The following PLCL1 variants were observed in gnomAD, a reference collection of about 807,000 sequenced individuals.
The protein encoded by PLCL1 is inactive phospholipase C-like protein 1.
PLCL1 carries 41 observed loss-of-function variants against 84.4 expected under a neutral mutation model. The observed-to-expected ratio is 0.49, with a 90% confidence interval of 0.38 to 0.63. PLCL1 has a LOEUF of 0.63. Among genes scored for constraint, PLCL1 ranks in the 30% least tolerant of loss-of-function variants. The pLI is 0.00. For missense variants in PLCL1, 1,206 were observed against 1,367.8 expected, an observed-to-expected ratio of 0.88 and a Z score of 1.87; for synonymous variants, 490 against 488.3, an observed-to-expected ratio of 1.00 and a Z score of -0.05.
chr2:197,973,484 A>C (rs1379734185), intron 1 of PLCL1, among the ~76,000 whole-genome samples: 2 of 152,212 alleles, frequency 1.3e-5, no homozygotes, highest in African/African-American at 4.8e-5. Flanking sequence ...GGTGGGGAGA[A>C]GTATAAAAAT....
chr2:197,866,501 AC>A (rs1355025266), intron 1 of PLCL1, among the ~76,000 whole-genome samples: 2 of 152,032 alleles, frequency 1.3e-5, no homozygotes, highest in Admixed American at 1.3e-4. Flanking sequence ...AGGACCTTTC[AC>A]ATTTCTCTTG....
intron 1 of PLCL1, among the ~76,000 whole-genome samples, chr2:197,836,434 G>A (rs973504303): frequency 2.9e-5 from 3 of 103,456 alleles, no homozygotes; most frequent in African/African-American, 3.8e-5. Flanking sequence ...GCGACAGAGC[G>A]AGACTCCGTC....
intron 1 of PLCL1, among the ~76,000 whole-genome samples, chr2:198,028,035 C>A (rs1450297153): frequency 5.9e-5 from 9 of 151,958 alleles, no homozygotes; most frequent in Non-Finnish European, 1.3e-4. Flanking sequence ...GAGATGGGGT[C>A]TTGCCATGTT....
At chr2:197,934,550 A>G (rs1483518457) in intron 1 of PLCL1, among the ~76,000 whole-genome samples, 1 of 152,184 alleles carries the variant, frequency 6.6e-6, no homozygotes, top group Non-Finnish European at 1.5e-5. Flanking sequence ...TTTTATTTGA[A>G]TGAGGTATTT....
At chr2:198,022,762 T>C (rs912328204) in intron 1 of PLCL1, among the ~76,000 whole-genome samples, 16 of 152,048 alleles carry the variant, frequency 1.1e-4, no homozygotes, top group Admixed American at 5.2e-4. Context: ...CACAAACAAA[T>C]AGAAAAACTT....
chr2:197,900,249 C>T (rs1379478171), intron 1 of PLCL1, among the ~76,000 whole-genome samples: 5 of 152,188 alleles, frequency 3.3e-5, no homozygotes, highest in Non-Finnish European at 7.4e-5. Context: ...TGAATAAATA[C>T]ATGCAAGACA....
chr2:197,939,060 T>C (rs556090225), intron 1 of PLCL1, among the ~76,000 whole-genome samples: 4 of 152,138 alleles, frequency 2.6e-5, no homozygotes, highest in Admixed American at 6.6e-5. Flanking sequence ...GGGGTGGTGG[T>C]GAGAAGGAGG....
chr2:198,114,667 C>T (rs1371661), intron 5 of PLCL1, among the ~76,000 whole-genome samples: 132,738 of 151,764 alleles, frequency 0.87, 58,164 homozygotes, highest in East Asian at 1. Context: ...TCCTTACAGC[C>T]CTTGTAGGTT....
At chr2:198,120,522 G>A (rs1179374935) in intron 5 of PLCL1, among the ~76,000 whole-genome samples, 1 of 151,848 alleles carries the variant, frequency 6.6e-6, no homozygotes, top group Admixed American at 6.6e-5. Flanking sequence ...ATGTCCATGA[G>A]TTCAATTATT....
chr2:198,119,705 A>G (rs1188662585), intron 5 of PLCL1, among the ~76,000 whole-genome samples: 2 of 151,962 alleles, frequency 1.3e-5, no homozygotes, highest in African/African-American at 4.8e-5. Flanking sequence ...TCTGTAGCTT[A>G]TACACAATTT....
At chr2:197,995,498 G>A (rs1276045524) in intron 1 of PLCL1, among the ~76,000 whole-genome samples, 1 of 152,098 alleles carries the variant, frequency 6.6e-6, no homozygotes, top group Admixed American at 6.5e-5. Flanking sequence ...ATGGTATAAT[G>A]AGAATACCAC....
intron 4 of PLCL1, 36 bp downstream of exon 4, chr2:198,101,396 T>C (rs1480206512): frequency 6.7e-6 from 8 of 1,195,062 alleles, no homozygotes; most frequent in Admixed American, 6.7e-5. Flanking sequence ...GTTTTTTTTT[T>C]CTATTTTGTT....
chr2:197,922,781 C>G (rs1179694185), intron 1 of PLCL1, among the ~76,000 whole-genome samples: 2 of 118,662 alleles, frequency 1.7e-5, no homozygotes, highest in Non-Finnish European at 3.7e-5. Context: ...AGGGGGCTGA[C>G]CCCCCCACCT....
At chr2:197,999,336 A>C (rs1316104916) in intron 1 of PLCL1, among the ~76,000 whole-genome samples, 1 of 152,216 alleles carries the variant, frequency 6.6e-6, no homozygotes, top group Non-Finnish European at 1.5e-5. Flanking sequence ...CACCTGGACA[A>C]TAAAAAGGAC....
chr2:198,089,541 C>T (rs1692968280), intron 3 of PLCL1, among the ~76,000 whole-genome samples: 1 of 152,164 alleles, frequency 6.6e-6, no homozygotes. Flanking sequence ...GCATTCCAAC[C>T]ATCAGGAGTG....
At chr2:197,967,232 T>G (rs1427435393) in intron 1 of PLCL1, among the ~76,000 whole-genome samples, 2 of 152,192 alleles carry the variant, frequency 1.3e-5, no homozygotes, top group African/African-American at 4.8e-5. Context: ...AGTCTTGCTC[T>G]GTCTTCCAGG....
chr2:197,806,825 T>C (rs1690496079), intron 1 of PLCL1, among the ~76,000 whole-genome samples: 1 of 151,968 alleles, frequency 6.6e-6, no homozygotes, highest in African/African-American at 2.4e-5. Flanking sequence ...TATATGACAA[T>C]AAAGAGCAAA....
chr2:197,992,924 G>A (rs1429929480), intron 1 of PLCL1, among the ~76,000 whole-genome samples: 1 of 152,170 alleles, frequency 6.6e-6, no homozygotes, highest in East Asian at 1.9e-4. Context: ...AAGGGTACTT[G>A]GGTTACTTCC....
At chr2:197,906,409 C>T (rs1202759406) in intron 1 of PLCL1, among the ~76,000 whole-genome samples, 6 of 150,660 alleles carry the variant, frequency 4.0e-5, no homozygotes, top group African/African-American at 1.5e-4. Flanking sequence ...CTGTTCTGTT[C>T]TATTGGTCTA....
Sources: gnomAD v4.1 joint callset for allele counts (sites outside exome capture counted in the v4.1 genomes callset) on GRCh38, gnomAD v4.1.1 for gene constraint, MANE v1.5 for transcripts, NCBI Gene and HGNC (gene_info 2026-07-23, HGNC 2026-07-21) for gene names.